RBFOX1: variants seen among roughly 807,000 people sequenced by gnomAD.
The protein encoded by RBFOX1 is RNA binding fox-1 homolog 1, also known as RNA binding protein fox-1 homolog 1.
A neutral mutation model predicts 57.7 loss-of-function variants in RBFOX1; 8 were observed. The ratio of observed to expected loss-of-function variants is 0.14; its 90% CI spans 0.08 to 0.25. RBFOX1 has a LOEUF of 0.25. RBFOX1 is among the 10% of genes least tolerant of loss of function. RBFOX1 has a pLI of 1.00. For synonymous variants in RBFOX1, 326 were observed against 222.4 expected (o/e 1.47, Z -4.15); for missense variants, 611 against 548.5 (o/e 1.11, Z -1.14).
chr16:6,579,273 C>T (rs751308158), intron 2 of RBFOX1, among the ~76,000 whole-genome samples: 4 of 151,840 alleles, frequency 2.6e-5, no homozygotes, highest in Non-Finnish European at 4.4e-5. Flanking sequence ...GTTCAGTTAT[C>T]GCTCTCTGTA....
chr16:5,654,794 TC>T (rs2049371291), intron 3 of RBFOX1, among the ~76,000 whole-genome samples: 1 of 151,702 alleles, frequency 6.6e-6, no homozygotes, highest in African/African-American at 2.4e-5. Flanking sequence ...TTCTTTCCTC[TC>T]TCTCTCTCTC....
intron 3 of RBFOX1, among the ~76,000 whole-genome samples, chr16:5,642,313 C>A (rs149644889): frequency 2.3e-4 from 35 of 152,240 alleles, no homozygotes; most frequent in African/African-American, 8.2e-4. Context: ...AGCAGCTGTG[C>A]GAATTACCCG....
chr16:6,552,355 C>T (rs899810588), intron 2 of RBFOX1, among the ~76,000 whole-genome samples: 23 of 152,258 alleles, frequency 1.5e-4, no homozygotes, highest in African/African-American at 5.3e-4. Context: ...CTGAAAGACT[C>T]AGGGTGAAAT....
intron 1 of RBFOX1, among the ~76,000 whole-genome samples, chr16:5,455,168 A>G (rs1057154921): frequency 2.0e-5 from 3 of 151,526 alleles, no homozygotes; most frequent in Non-Finnish European, 4.4e-5. Flanking sequence ...TCTACTCCAC[A>G]TGTCTTGGGC....
chr16:5,796,190 G>A (rs2054872041), intron 3 of RBFOX1, among the ~76,000 whole-genome samples: 1 of 152,180 alleles, frequency 6.6e-6, no homozygotes, highest in Non-Finnish European at 1.5e-5. Flanking sequence ...GATGTCAAGT[G>A]GATCCACCCA....
At chr16:5,892,743 G>A (rs1275854447) in intron 4 of RBFOX1, among the ~76,000 whole-genome samples, 1 of 152,160 alleles carries the variant, frequency 6.6e-6, no homozygotes, top group Non-Finnish European at 1.5e-5. Flanking sequence ...GGGGTAGTGG[G>A]GAGAAAATGG....
chr16:7,409,276 A>G (rs2098397545), intron 4 of RBFOX1, among the ~76,000 whole-genome samples: 1 of 152,230 alleles, frequency 6.6e-6, no homozygotes. Flanking sequence ...GCTTTGTCCG[A>G]TCTGCCTGTA....
intron 2 of RBFOX1, among the ~76,000 whole-genome samples, chr16:6,539,378 C>T (rs576568838): frequency 6.2e-4 from 94 of 152,278 alleles, no homozygotes; most frequent in African/African-American, 2.1e-3. Context: ...TTTAGCGTAG[C>T]ATCTGGCACA....
At chr16:7,644,317 C>A (rs2063351955) in intron 11 of RBFOX1, among the ~76,000 whole-genome samples, 1 of 152,184 alleles carries the variant, frequency 6.6e-6, no homozygotes, top group Non-Finnish European at 1.5e-5. Context: ...TTAGCAAGTG[C>A]TAGTAAATCC....
At chr16:6,336,936 A>G (rs557091679) in intron 2 of RBFOX1, among the ~76,000 whole-genome samples, 2 of 152,178 alleles carry the variant, frequency 1.3e-5, no homozygotes, top group African/African-American at 2.4e-5. Context: ...GCAATCTACT[A>G]TCTGCAAAAT....
intron 4 of RBFOX1, among the ~76,000 whole-genome samples, chr16:7,451,948 G>T (rs1010806161): frequency 2.0e-5 from 3 of 152,062 alleles, no homozygotes; most frequent in Admixed American, 2.0e-4. Flanking sequence ...AATGAGGTGG[G>T]GTAAGGTGGT....
intron 1 of RBFOX1, among the ~76,000 whole-genome samples, chr16:6,275,915 C>T (rs2075754255): frequency 6.6e-6 from 1 of 152,130 alleles, no homozygotes; most frequent in African/African-American, 2.4e-5. Context: ...CTTCCCTCCC[C>T]AGTTGATACG....
chr16:6,006,930 C>G (rs562173884), intron 4 of RBFOX1, among the ~76,000 whole-genome samples: 94 of 152,292 alleles, frequency 6.2e-4, no homozygotes, highest in African/African-American at 2.2e-3. Context: ...TATTTTTTCT[C>G]CCATATCTCT....
At chr16:6,542,350 A>G (rs781041897) in intron 2 of RBFOX1, among the ~76,000 whole-genome samples, 4 of 152,016 alleles carry the variant, frequency 2.6e-5, no homozygotes, top group Non-Finnish European at 4.4e-5. Flanking sequence ...GGGGTGTTCT[A>G]AATGCAGGGG....
chr16:5,294,466 C>T (rs1419609666), intron 1 of RBFOX1, among the ~76,000 whole-genome samples: 2 of 152,106 alleles, frequency 1.3e-5, no homozygotes, highest in East Asian at 3.8e-4. Flanking sequence ...CTTACCTTCA[C>T]ATCTTTGAGG....
intron 2 of RBFOX1, among the ~76,000 whole-genome samples, chr16:6,387,279 A>G (rs1034929565): frequency 2.0e-5 from 3 of 152,160 alleles, no homozygotes; most frequent in African/African-American, 4.8e-5. Context: ...TCAATGGAGA[A>G]AAAAGAAGTT....
intron 3 of RBFOX1, among the ~76,000 whole-genome samples, chr16:6,807,754 T>A (rs956034425): frequency 1.6e-4 from 24 of 151,982 alleles, no homozygotes; most frequent in African/African-American, 5.8e-4. Flanking sequence ...AGATGGAGGT[T>A]GTAGTGAGCT....
intron 4 of RBFOX1, among the ~76,000 whole-genome samples, chr16:7,508,220 C>T (rs369860526): frequency 8.6e-5 from 13 of 152,004 alleles, no homozygotes; most frequent in African/African-American, 3.1e-4. Context: ...TCAAGCGATC[C>T]GCACGCCTCG....
intron 2 of RBFOX1, among the ~76,000 whole-genome samples, chr16:5,477,552 TA>T (rs1409044559): frequency 6.6e-6 from 1 of 152,182 alleles, no homozygotes; most frequent in Non-Finnish European, 1.5e-5. Flanking sequence ...TCTCTTAATC[TA>T]CAAGAAGCTG....
Sources: gnomAD v4.1 joint callset for allele counts (sites outside exome capture counted in the v4.1 genomes callset) on GRCh38, gnomAD v4.1.1 for gene constraint, MANE v1.5 for transcripts, NCBI Gene and HGNC (gene_info 2026-07-23, HGNC 2026-07-21) for gene names.